The following CELSR1 variants were observed in gnomAD, a reference collection of about 807,000 sequenced individuals.
The protein encoded by CELSR1 is adhesion G protein-coupled receptor C1.
A neutral mutation model predicts 249.1 loss-of-function variants in CELSR1; 110 were observed. The ratio of observed to expected loss-of-function variants is 0.44; its 90% CI spans 0.38 to 0.52. The LOEUF is 0.52. CELSR1 is among the 20% of genes least tolerant of loss of function. The pLI is 0.00. For missense variants in CELSR1, 4,109 were observed against 4,296.4 expected (o/e 0.96, Z 1.22); for synonymous variants, 2,113 against 1,900.0 (o/e 1.11, Z -2.92).
Position 46,411,734 on chromosome 22 carries a change from G to T in CELSR1, c.4637C>A (p.Pro1546His), listed in dbSNP as rs757084321. The T allele has an allele frequency of 1.4e-5, 23 of 1,614,168 alleles. No individual in the cohort carries two copies. The East Asian group carries it at 4.7e-4, about 33-fold the overall frequency. Residue 1546 changes from proline (P) to histidine (H), a missense_variant, in exon 6 of 35, where the codon CCC becomes CAC. Around this residue, in one of 7 missense-constraint regions of CELSR1, gnomAD observed 453 missense variants for 492.0 expected, o/e 0.92. Coordinates refer to ENST00000674500, the MANE Select transcript of CELSR1 (RefSeq NM_001378328.1). The surrounding 1 kb of genome is among the most constrained non-coding windows in gnomAD (Gnocchi z 4.2). ...NKPNIGHLGL[P>H]HGPSGEKMAV... ...CATCTTTTCCCCGGACGGCCCATGG[G>T]GCAGGCCCAGGTGGCCAATATTGGG...
chr22:46,493,489 T>C (rs1317825902), intron 1 of CELSR1, among the ~76,000 whole-genome samples: 1 of 149,162 alleles, frequency 6.7e-6, no homozygotes, highest in Non-Finnish European at 1.5e-5. Flanking sequence ...GAGGTTGCAG[T>C]GAGCCAAGAT....
intron 24 of CELSR1, among the ~76,000 whole-genome samples, chr22:46,375,881 G>T (rs1274255169): frequency 6.6e-6 from 1 of 152,152 alleles, no homozygotes; most frequent in African/African-American, 2.4e-5. Flanking sequence ...GACTATTTTA[G>T]ATTTTTTCTA....
At chr22:46,388,332 G>C (rs372198088) in intron 18 of CELSR1, among the ~76,000 whole-genome samples, 19 of 151,694 alleles carry the variant, frequency 1.3e-4, no homozygotes, top group Admixed American at 1.0e-3. Flanking sequence ...CTGGACAACA[G>C]AGCAAGACCC....
chr22:46,492,390 G>A (rs567490409), intron 1 of CELSR1, among the ~76,000 whole-genome samples: 1 of 152,134 alleles, frequency 6.6e-6, no homozygotes, highest in Non-Finnish European at 1.5e-5. Context: ...TTTAATTCCC[G>A]GCGCAAAGTC....
At chr22:46,405,833 C>T (rs548252239) in intron 9 of CELSR1, among the ~76,000 whole-genome samples, 1 of 152,238 alleles carries the variant, frequency 6.6e-6, no homozygotes, top group Non-Finnish European at 1.5e-5. Context: ...CACAGGCCCA[C>T]GGGAGGCCTG....
At chr22:46,376,815 A>AAAAAG (rs1555906488) in intron 24 of CELSR1, among the ~76,000 whole-genome samples, 2 of 151,788 alleles carry the variant, frequency 1.3e-5, no homozygotes, top group African/African-American at 4.8e-5. Context: ...AAAAAAAAAA[A>AAAAAG]AAAGAAAGAA....
chr22:46,419,159 G>C (rs1224107138), intron 5 of CELSR1, among the ~76,000 whole-genome samples: 1 of 152,144 alleles, frequency 6.6e-6, no homozygotes, highest in African/African-American at 2.4e-5. Flanking sequence ...TCAGCCATCG[G>C]GACCAGGTCA....
At chr22:46,491,634 T>TCC (rs1569199972) in intron 1 of CELSR1, among the ~76,000 whole-genome samples, 1 of 49,428 alleles carries the variant, frequency 2.0e-5, no homozygotes, top group Non-Finnish European at 5.1e-5. Flanking sequence ...ATTCTCTCTC[T>TCC]CTCTTTTTTT....
In CELSR1 at chr22:46,536,063, A is replaced by C. The variant is rs1386437641; in HGVS notation, c.1108T>G (p.Tyr370Asp). 6.2e-7 allele frequency: 1 copy of C among 1,611,062 alleles called. No individual in the cohort carries two copies. The highest frequency in any genetic ancestry group is 1.7e-5 in the Admixed American group (1 of 59,986). ...ERVRENLEVG[Y>D]EVLTIRASDR... ...CTGGCGCGGATGGTCAGCACCTCGT[A>C]GCCCACCTCCAGGTTCTCCCGCACG... Residue 370 changes from tyrosine to aspartate, a missense_variant, in exon 1 of 35, where the codon TAC (tyrosine) becomes GAC (aspartate). By Grantham distance (160) the Tyr-to-Asp change is radical (BLOSUM62 -3). Transcript: ENST00000674500.
chr22:46,436,113 T>G lies in CELSR1; in HGVS notation c.4522+61A>C. 7.1e-7 allele frequency: 1 copy of G among 1,416,446 alleles called. No homozygotes were observed. The highest frequency in any genetic ancestry group is 9.9e-7 in the Non-Finnish European group (1 of 1,005,170). The allele number at this position is 1,416,446 out of a possible 1,614,324, so 87.7% of individuals were successfully genotyped here. On this transcript the variant is annotated intron_variant, in intron 4 of 34. Coordinates refer to ENST00000674500, the MANE Select transcript of CELSR1 (RefSeq NM_001378328.1). This position sits in a 1 kb window ranked among gnomAD's most constrained non-coding sequence, Gnocchi z 5.9. ...AGGCGCTGCACAGGGCGAGGGTCGT[T>G]TTAACCCACAAAGTATCTGTGAATT...
intron 1 of CELSR1, among the ~76,000 whole-genome samples, chr22:46,489,966 G>A (rs1040981396): frequency 1.5e-4 from 23 of 151,410 alleles, no homozygotes; most frequent in African/African-American, 5.6e-4. Flanking sequence ...CCCAGATCCA[G>A]ATGCGCTGCC....
At chr22:46,478,134 G>T (rs1451219666) in intron 1 of CELSR1, among the ~76,000 whole-genome samples, 1 of 152,196 alleles carries the variant, frequency 6.6e-6, no homozygotes, top group Non-Finnish European at 1.5e-5. Context: ...CCAGGAGCCC[G>T]GGAAGCACCG....
intron 24 of CELSR1, among the ~76,000 whole-genome samples, chr22:46,375,271 C>T (rs1465613764): frequency 1.3e-5 from 2 of 152,220 alleles, no homozygotes; most frequent in Non-Finnish European, 2.9e-5. Flanking sequence ...TCATGCGCCA[C>T]ACCTTCCTTG....
rs927280515 is a variant in CELSR1, at chr22:46,363,398, T to G, written c.9036-151A>C. ...CCAGGGAGGGCAAGCTCATGTTGGA[T>G]GAGGCTGCCCTTGGGAGGCAGGAGA... is the stretch of plus-strand genomic sequence containing the variant. On this transcript the variant is annotated intron_variant, in intron 34 of 34. Coordinates refer to ENST00000674500, the MANE Select transcript of CELSR1 (RefSeq NM_001378328.1). This position sits in a 1 kb window ranked among gnomAD's most constrained non-coding sequence, Gnocchi z 4.3. 3 of 631,010 alleles carry G rather than the reference T, an allele frequency of 4.8e-6. No individual in the cohort carries two copies. In the Admixed American group the frequency reaches 8.0e-5, roughly 17 times the overall value. 39.1% of individuals were successfully genotyped at this position (631,010 alleles called of 1,614,324 possible).
chr22:46,528,340 C>A (rs2080758585), intron 1 of CELSR1, among the ~76,000 whole-genome samples: 1 of 152,218 alleles, frequency 6.6e-6, no homozygotes, highest in Admixed American at 6.5e-5. Context: ...GAGAAGGTTA[C>A]TCAATCCTGT....
rs2079363928 is a variant in CELSR1, at chr22:46,413,706, C to A, written c.4612-1947G>T. Among the ~76,000 whole-genome samples the A allele has an allele frequency of 6.6e-6, 1 of 152,176 alleles. No individual in the cohort carries two copies. Among genetic ancestry groups the A allele is most frequent in the African/African-American group, 2.4e-5 (1 of 41,438 alleles). ...CTGATAAGCTGTCTCCTTAAAGACT[C>A]CACTTTTGGTTAAGCAACAGGTAGG... On this transcript the variant is annotated intron_variant, in intron 5 of 34. Transcript: ENST00000674500. This position sits in a 1 kb window ranked among gnomAD's most constrained non-coding sequence, Gnocchi z 4.7.
intron 20 of CELSR1, among the ~76,000 whole-genome samples, chr22:46,384,100 AT>A: frequency 6.6e-6 from 1 of 151,758 alleles, no homozygotes; most frequent in Middle Eastern, 3.4e-3. Flanking sequence ...GCAGCTGGCT[AT>A]TTTTTGTATT....
At chr22:46,373,562 G>A (rs1403081449) in intron 24 of CELSR1, among the ~76,000 whole-genome samples, 1 of 151,384 alleles carries the variant, frequency 6.6e-6, no homozygotes, top group African/African-American at 2.4e-5. Flanking sequence ...GGCTGCCCCA[G>A]CCAGTGCTCC....
chr22:46,486,888 A>G (rs1368839955), intron 1 of CELSR1, among the ~76,000 whole-genome samples: 2 of 152,114 alleles, frequency 1.3e-5, no homozygotes, highest in African/African-American at 4.8e-5. Flanking sequence ...ACACGTCCAC[A>G]CAGGATGTCT....
Sources: allele counts gnomAD v4.1 joint callset (sites outside exome capture counted in the v4.1 genomes callset), GRCh38; gene constraint gnomAD v4.1.1; regional missense constraint gnomAD v4.1.1; non-coding constraint Gnocchi (gnomAD v3.1); transcripts MANE v1.5; gene names NCBI Gene and HGNC (gene_info 2026-07-23, HGNC 2026-07-21).